C10orf90: variants seen among roughly 807,000 people sequenced by gnomAD.
The protein encoded by C10orf90 is (E2-independent) E3 ubiquitin-conjugating enzyme FATS.
A neutral mutation model predicts 62.5 loss-of-function variants in C10orf90; 56 were observed. That is an observed-to-expected ratio of 0.90 (90% CI 0.72 to 1.12). The LOEUF is 1.12. Among genes scored for constraint, C10orf90 ranks in the 50% most tolerant of loss-of-function variants. C10orf90 has a pLI of 0.00. For synonymous variants in C10orf90, 386 were observed against 340.4 expected (o/e 1.13, Z -1.47); for missense variants, 970 against 880.4 (o/e 1.10, Z -1.29).
intron 2 of C10orf90, among the ~76,000 whole-genome samples, chr10:126,532,963 C>T (rs1053027334): frequency 5.3e-5 from 8 of 150,366 alleles, no homozygotes; most frequent in Admixed American, 1.3e-4. Flanking sequence ...GACGGAGTCT[C>T]GCTCTGTCGC....
chr10:126,646,224 G>A (rs1564907712), intron 2 of C10orf90, among the ~76,000 whole-genome samples: 1 of 152,174 alleles, frequency 6.6e-6, no homozygotes, highest in Non-Finnish European at 1.5e-5. Context: ...CATCCACTTT[G>A]TTCTGAGAAT....
chr10:126,457,538 T>C lies in C10orf90; in HGVS notation c.2188+1502A>G, dbSNP rs150858223. ...TCTTCCCAAAGTGAAGGGACCTGACTGAAAAGGAAGCCCTCCGTGCCATTT... is the reference window on the plus strand; with the variant it reads ...TCTTCCCAAAGTGAAGGGACCTGACCGAAAAGGAAGCCCTCCGTGCCATTT... On this transcript the variant is annotated intron_variant, in intron 7 of 9. Coordinates refer to ENST00000488181, the MANE Select transcript of C10orf90 (RefSeq NM_001350921.2). 2.5e-3 allele frequency among the ~76,000 whole-genome samples: 382 copies of C among 152,340 alleles called. 4 individuals are homozygous for C. The highest frequency in any genetic ancestry group is 8.4e-3 in the African/African-American group (348 of 41,588).
At chr10:126,642,481 C>G (rs185531565) in intron 2 of C10orf90, among the ~76,000 whole-genome samples, 243 of 151,980 alleles carry the variant, frequency 1.6e-3, no homozygotes, top group African/African-American at 5.5e-3. Context: ...GCAGTAAGCC[C>G]AGATCGCGCC....
chr10:126,626,380 C>T (rs1564898392), intron 2 of C10orf90, among the ~76,000 whole-genome samples: 2 of 152,088 alleles, frequency 1.3e-5, no homozygotes, highest in South Asian at 4.1e-4. Flanking sequence ...CCACAGTTGT[C>T]CTGATGAGGA....
intron 4 of C10orf90, among the ~76,000 whole-genome samples, chr10:126,487,527 C>T (rs1172664890): frequency 1.3e-5 from 2 of 152,186 alleles, no homozygotes; most frequent in Middle Eastern, 3.4e-3. Context: ...TGTCAACATA[C>T]CTTAGTATGT....
chr10:126,642,041 G>C (rs1314794046), intron 2 of C10orf90, among the ~76,000 whole-genome samples: 1 of 152,126 alleles, frequency 6.6e-6, no homozygotes, highest in Non-Finnish European at 1.5e-5. Context: ...ACCCTGTTTG[G>C]AACAAATACC....
chr10:126,612,910 T>C (rs1215085061), intron 2 of C10orf90, among the ~76,000 whole-genome samples: 2 of 152,178 alleles, frequency 1.3e-5, no homozygotes, highest in African/African-American at 2.4e-5. Context: ...ATGCAAGTCA[T>C]TTATAGGAAA....
chr10:126,660,690 G>A (rs1397217207), intron 1 of C10orf90, among the ~76,000 whole-genome samples: 1 of 152,178 alleles, frequency 6.6e-6, no homozygotes, highest in Non-Finnish European at 1.5e-5. Flanking sequence ...AATAATCAAT[G>A]GTGTTGTTTT....
At chr10:126,529,778 C>CTAT (rs1351416110) in intron 2 of C10orf90, among the ~76,000 whole-genome samples, 1 of 152,162 alleles carries the variant, frequency 6.6e-6, no homozygotes, top group Non-Finnish European at 1.5e-5. Flanking sequence ...GCAACTAATA[C>CTAT]GATCACTATG....
At chr10:126,657,631 T>C (rs1846422661) in intron 1 of C10orf90, among the ~76,000 whole-genome samples, 1 of 151,832 alleles carries the variant, frequency 6.6e-6, no homozygotes, top group South Asian at 2.1e-4. Flanking sequence ...TTTTTTTTTT[T>C]TGAGACAGAG....
At chr10:126,606,477 G>A (rs534084428) in intron 2 of C10orf90, among the ~76,000 whole-genome samples, 1 of 152,118 alleles carries the variant, frequency 6.6e-6, no homozygotes, top group Non-Finnish European at 1.5e-5. Flanking sequence ...ACTATAAGTC[G>A]TTTATGCCAT....
intron 2 of C10orf90, among the ~76,000 whole-genome samples, chr10:126,568,746 C>A (rs912160336): frequency 6.6e-6 from 1 of 152,146 alleles, no homozygotes; most frequent in Non-Finnish European, 1.5e-5. Context: ...CTTTAGGAGG[C>A]TCAGAGTGGG....
At chr10:126,450,267 C>G (rs1859090588) in intron 7 of C10orf90, among the ~76,000 whole-genome samples, 1 of 152,166 alleles carries the variant, frequency 6.6e-6, no homozygotes, top group Admixed American at 6.5e-5. Flanking sequence ...AATATCTGTA[C>G]TACCCAATGT....
rs141911660 is a variant in C10orf90, at chr10:126,534,527, C to T, written c.314-20588G>A. On this transcript the variant is annotated intron_variant, in intron 2 of 9. Transcript: ENST00000488181. The stretch of plus-strand genomic sequence containing the variant: ...CTGCAGTGTTTGGGTGACCTGCTCT[C>T]TCCTTTTATGGGAGTATCATTGTTG... Among the ~76,000 whole-genome samples the T allele has an allele frequency of 2.0e-4, 30 of 152,304 alleles. No homozygotes were observed. In the East Asian group the frequency reaches 5.0e-3, roughly 26 times the overall value.
Position 126,480,601 on chromosome 10 carries a change from C to G in C10orf90, c.1535-15615G>C, listed in dbSNP as rs1861115192. ...GAACATACAGCGGCCTGCCCACTGT[C>G]ACATGCATTTGAAAATGATCAGTTA... is the stretch of plus-strand genomic sequence containing the variant. On this transcript the variant is annotated intron_variant, in intron 4 of 9. Coordinates refer to ENST00000488181, the MANE Select transcript of C10orf90 (RefSeq NM_001350921.2). 2.0e-5 allele frequency among the ~76,000 whole-genome samples: 3 copies of G among 152,374 alleles called. No homozygotes were observed. The South Asian group carries it at 6.2e-4, about 32-fold the overall frequency.
intron 4 of C10orf90, among the ~76,000 whole-genome samples, chr10:126,466,949 G>A (rs1860322036): frequency 6.6e-6 from 1 of 152,180 alleles, no homozygotes; most frequent in Non-Finnish European, 1.5e-5. Context: ...GGAAAAGTCT[G>A]ACAATAGTCA....
At chr10:126,620,375 G>A (rs1272982995) in intron 2 of C10orf90, among the ~76,000 whole-genome samples, 2 of 152,158 alleles carry the variant, frequency 1.3e-5, no homozygotes, top group African/African-American at 4.8e-5. Flanking sequence ...CTGCAAGTCT[G>A]TGGCTGGGCT....
intron 7 of C10orf90, among the ~76,000 whole-genome samples, chr10:126,436,115 C>A (rs915677688): frequency 6.6e-6 from 1 of 152,160 alleles, no homozygotes; most frequent in Non-Finnish European, 1.5e-5. Context: ...ACCAGCTCTA[C>A]CTGTGCAAAT....
intron 2 of C10orf90, among the ~76,000 whole-genome samples, chr10:126,624,928 G>A (rs1488335589): frequency 2.0e-5 from 3 of 152,210 alleles, no homozygotes; most frequent in African/African-American, 2.4e-5. Flanking sequence ...AAAGATGGAC[G>A]ATTACCATTT....
Sources: gnomAD v4.1 joint callset for allele counts (sites outside exome capture counted in the v4.1 genomes callset) on GRCh38, gnomAD v4.1.1 for gene constraint, MANE v1.5 for transcripts, NCBI Gene and HGNC (gene_info 2026-07-23, HGNC 2026-07-21) for gene names.